Variants in KCNB2 observed in about 807,000 individuals in gnomAD.
KCNB2 encodes the protein potassium voltage-gated channel subfamily B member 2.
KCNB2 carries 15 observed loss-of-function variants against 61.5 expected under a neutral mutation model. The observed-to-expected ratio is 0.24, with a 90% CI of 0.16 to 0.38. The LOEUF is 0.38. KCNB2 is among the 10% of genes least tolerant of loss of function. The probability of loss-of-function intolerance (pLI) is 1.00; values close to 1 mark genes in which losing one functional copy is unlikely to be tolerated. For missense variants in KCNB2, 828 were observed against 1,125.2 expected (o/e 0.74, Z 3.78); for synonymous variants, 457 against 446.0 (o/e 1.02, Z -0.31).
intron 2 of KCNB2, among the ~76,000 whole-genome samples, chr8:72,743,974 C>T (rs1808013305): frequency 6.6e-6 from 1 of 151,998 alleles, no homozygotes; most frequent in African/African-American, 2.4e-5. Context: ...TATTTTTCAC[C>T]AATTTCTTTA....
At chr8:72,860,394 TATTGTGGTTTTG>T (rs1451631784) in intron 2 of KCNB2, among the ~76,000 whole-genome samples, 1 of 152,208 alleles carries the variant, frequency 6.6e-6, no homozygotes, top group African/African-American at 2.4e-5. Flanking sequence ...AATGGTATCT[TATTGTGGTTTTG>T]ATTTGCATTT....
At chr8:72,659,518 G>A (rs181293218) in intron 2 of KCNB2, among the ~76,000 whole-genome samples, 10 of 152,302 alleles carry the variant, frequency 6.6e-5, no homozygotes, top group Admixed American at 5.2e-4. Context: ...TTTGAAAGTC[G>A]TTCTACTGTT....
At chr8:72,789,192 A>G (rs1291260514) in intron 2 of KCNB2, among the ~76,000 whole-genome samples, 1 of 152,206 alleles carries the variant, frequency 6.6e-6, no homozygotes, top group Non-Finnish European at 1.5e-5. Flanking sequence ...ATGATATCCC[A>G]GTTACCATGG....
intron 2 of KCNB2, among the ~76,000 whole-genome samples, chr8:72,710,508 G>A (rs1177998240): frequency 1.3e-5 from 2 of 152,162 alleles, no homozygotes; most frequent in Admixed American, 6.5e-5. Flanking sequence ...GTTTGCGTAT[G>A]TGTGTGTTGA....
chr8:72,686,454 C>A (rs1441549681), intron 2 of KCNB2, among the ~76,000 whole-genome samples: 1 of 152,050 alleles, frequency 6.6e-6, no homozygotes, highest in African/African-American at 2.4e-5. Flanking sequence ...CTCAAGTGAT[C>A]CTCCTGCCTC....
intron 2 of KCNB2, among the ~76,000 whole-genome samples, chr8:72,602,977 C>T (rs554673382): frequency 2.3e-4 from 35 of 152,118 alleles, no homozygotes; most frequent in East Asian, 7.7e-4. Context: ...GCGGCATGCC[C>T]GCTGATGTAT....
At chr8:72,843,822 A>G (rs1051378385) in intron 2 of KCNB2, among the ~76,000 whole-genome samples, 4 of 152,022 alleles carry the variant, frequency 2.6e-5, no homozygotes, top group Non-Finnish European at 5.9e-5. Context: ...TTTTGAGCCT[A>G]TGTATGTCTT....
At chr8:72,901,606 T>C (rs13255723) in intron 2 of KCNB2, among the ~76,000 whole-genome samples, 30,478 of 152,080 alleles carry the variant, frequency 0.2, 3,208 homozygotes, top group Non-Finnish European at 0.23. Context: ...GGATGAGCCA[T>C]AGTTTATGGT....
chr8:72,696,053 CAG>C (rs568067858), intron 2 of KCNB2, among the ~76,000 whole-genome samples: 85 of 152,320 alleles, frequency 5.6e-4, no homozygotes, highest in Middle Eastern at 3.4e-3. Context: ...CTGGTACTTG[CAG>C]AGTCATCTAT....
chr8:72,923,262 C>T (rs1408705776), intron 2 of KCNB2, among the ~76,000 whole-genome samples: 1 of 151,694 alleles, frequency 6.6e-6, no homozygotes, highest in Non-Finnish European at 1.5e-5. Flanking sequence ...TGTTAATTCT[C>T]TCCTGGATAA....
intron 2 of KCNB2, among the ~76,000 whole-genome samples, chr8:72,705,548 G>T (rs904557624): frequency 1.3e-5 from 2 of 152,222 alleles, no homozygotes; most frequent in Non-Finnish European, 2.9e-5. Context: ...TCACTGGCAG[G>T]TTGTGCAAGT....
At chr8:72,722,397 C>T (rs1807565667) in intron 2 of KCNB2, among the ~76,000 whole-genome samples, 1 of 152,214 alleles carries the variant, frequency 6.6e-6, no homozygotes. Context: ...ACCTCCCTCT[C>T]CCACTATCCT....
At chr8:72,679,111 C>A (rs1209152907) in intron 2 of KCNB2, among the ~76,000 whole-genome samples, 2 of 152,024 alleles carry the variant, frequency 1.3e-5, no homozygotes, top group East Asian at 1.9e-4. Context: ...CAAATTGATT[C>A]TTTGGCTGTG....
intron 2 of KCNB2, among the ~76,000 whole-genome samples, chr8:72,739,830 T>A (rs1199494130): frequency 2.0e-5 from 3 of 152,170 alleles, no homozygotes; most frequent in African/African-American, 7.2e-5. Context: ...CACCCTTTTA[T>A]TTTTTGTTCT....
intron 2 of KCNB2, among the ~76,000 whole-genome samples, chr8:72,617,017 G>A (rs1031964706): frequency 5.9e-5 from 9 of 152,140 alleles, no homozygotes; most frequent in African/African-American, 2.2e-4. Flanking sequence ...CCTCGAGCCA[G>A]GTGTCTGCTC....
At chr8:72,597,182 C>T (rs1405279593) in intron 2 of KCNB2, among the ~76,000 whole-genome samples, 1 of 152,062 alleles carries the variant, frequency 6.6e-6, no homozygotes, top group Non-Finnish European at 1.5e-5. Context: ...CGCCACCACA[C>T]TCAGCTAATT....
chr8:72,702,853 G>C (rs1305064574), intron 2 of KCNB2, among the ~76,000 whole-genome samples: 2 of 152,138 alleles, frequency 1.3e-5, no homozygotes, highest in Non-Finnish European at 2.9e-5. Flanking sequence ...TGTTAGGGGA[G>C]AATGCCAGGT....
At chr8:72,602,289 G>T (rs188946334) in intron 2 of KCNB2, among the ~76,000 whole-genome samples, 1 of 152,214 alleles carries the variant, frequency 6.6e-6, no homozygotes, top group Non-Finnish European at 1.5e-5. Flanking sequence ...ATTTGGGGAG[G>T]TGGCCTCAAG....
intron 2 of KCNB2, among the ~76,000 whole-genome samples, chr8:72,754,542 G>A (rs192881192): frequency 2.7e-4 from 41 of 152,280 alleles, no homozygotes; most frequent in African/African-American, 9.1e-4. Flanking sequence ...CTCTTGCTTA[G>A]CCCTGAATGT....
Sources: gnomAD v4.1 joint callset for allele counts (sites outside exome capture counted in the v4.1 genomes callset) on GRCh38, gnomAD v4.1.1 for gene constraint, MANE v1.5 for transcripts, NCBI Gene and HGNC (gene_info 2026-07-23, HGNC 2026-07-21) for gene names.